Variants in BTG4 observed in about 807,000 individuals in gnomAD.
BTG4 encodes protein BTG4.
A neutral mutation model predicts 19.3 loss-of-function variants in BTG4; 10 were observed. The ratio of observed to expected loss-of-function variants is 0.52; its 90% confidence interval spans 0.32 to 0.88. The LOEUF (loss-of-function observed/expected upper bound fraction) is 0.88. Among genes scored for constraint, BTG4 ranks in the 40% least tolerant of loss-of-function variants. The pLI is 0.04. For synonymous variants in BTG4, 91 were observed against 95.7 expected (o/e 0.95, Z 0.29); for missense variants, 238 against 281.9 (o/e 0.84, Z 1.11).
At chr11:111,414,192 G>A in the BTG4 span, 21 of 152,366 alleles carry the variant, frequency 1.4e-4, no homozygotes, top group Admixed American at 1.0e-3. Context: ...CATGGGCCAG[G>A]ATGGTCTTGT....
chr11:111,427,139 A>G, the BTG4 span, among the ~76,000 whole-genome samples: 3 of 152,192 alleles, frequency 2.0e-5, no homozygotes, highest in African/African-American at 7.2e-5. Flanking sequence ...AATGCTGTTA[A>G]ATATACCCCA....
chr11:111,389,672 A>T, the BTG4 span, among the ~76,000 whole-genome samples: 1 of 152,346 alleles, frequency 6.6e-6, no homozygotes, highest in South Asian at 2.1e-4. Context: ...ACTTGAACCC[A>T]GTGTTGCTAT....
At chr11:111,425,020 C>T in the BTG4 span, among the ~76,000 whole-genome samples, 1 of 152,092 alleles carries the variant, frequency 6.6e-6, no homozygotes. Flanking sequence ...GGACAAACTG[C>T]CATGGCAGTT....
chr11:111,493,896 A>G (rs559714303), downstream of BTG4, among the ~76,000 whole-genome samples: 8 of 152,314 alleles, frequency 5.3e-5, no homozygotes, highest in South Asian at 1.7e-3. Flanking sequence ...CCCCTTCATC[A>G]GCACTAGCAT....
chr11:111,489,875 G>T (rs1343037342), downstream of BTG4, among the ~76,000 whole-genome samples: 2 of 152,094 alleles, frequency 1.3e-5, no homozygotes, highest in African/African-American at 2.4e-5. Context: ...TTGGGTGAGT[G>T]GGGATTGTTA....
the BTG4 span, among the ~76,000 whole-genome samples, chr11:111,413,200 A>T: frequency 6.6e-6 from 1 of 152,210 alleles, no homozygotes; most frequent in South Asian, 2.1e-4. Flanking sequence ...GAGGGTCAGC[A>T]CTCGAGTGAG....
At chr11:111,404,441 G>GA in the BTG4 span, among the ~76,000 whole-genome samples, 1 of 152,182 alleles carries the variant, frequency 6.6e-6, no homozygotes, top group Non-Finnish European at 1.5e-5. Flanking sequence ...TGCCTTACCT[G>GA]AAGCAACCTA....
the BTG4 span, among the ~76,000 whole-genome samples, chr11:111,451,858 T>A: frequency 3.3e-5 from 5 of 152,276 alleles, no homozygotes; most frequent in African/African-American, 1.2e-4. Context: ...GGTCCCACAA[T>A]GCTAACAGAT....
chr11:111,491,957 A>T (rs2135639722), downstream of BTG4, among the ~76,000 whole-genome samples: 1 of 152,032 alleles, frequency 6.6e-6, no homozygotes, highest in East Asian at 1.9e-4. Context: ...TCCCCTACAC[A>T]TTTGCTCAGA....
the BTG4 span, among the ~76,000 whole-genome samples, chr11:111,429,015 C>T: frequency 6.6e-6 from 1 of 152,204 alleles, no homozygotes; most frequent in Admixed American, 6.5e-5. Flanking sequence ...TTTGTCCCAT[C>T]CTCACAACTT....
the BTG4 span, among the ~76,000 whole-genome samples, chr11:111,441,366 T>C: frequency 6.6e-6 from 1 of 150,864 alleles, no homozygotes; most frequent in Non-Finnish European, 1.5e-5. Flanking sequence ...AACTAGAGCA[T>C]CAGCAGCGGC....
chr11:111,451,932 T>C, the BTG4 span, among the ~76,000 whole-genome samples: 1 of 152,050 alleles, frequency 6.6e-6, no homozygotes, highest in Non-Finnish European at 1.5e-5. Flanking sequence ...GAGGGGAAGG[T>C]TGAGAGGATG....
the BTG4 span, among the ~76,000 whole-genome samples, chr11:111,441,941 C>T: frequency 1.3e-5 from 2 of 151,682 alleles, no homozygotes; most frequent in East Asian, 3.9e-4. Context: ...TGCCTATAAT[C>T]CCAGCTACTC....
At chr11:111,466,545 T>C (rs1173981958), downstream of BTG4, among the ~76,000 whole-genome samples, 1 of 152,108 alleles carries the variant, frequency 6.6e-6, no homozygotes, top group Non-Finnish European at 1.5e-5. Flanking sequence ...ATTTTTTCCA[T>C]AAAGGTGGAC....
intron 5 of BTG4, among the ~76,000 whole-genome samples, chr11:111,476,302 G>A (rs1373072160): frequency 6.6e-6 from 1 of 152,122 alleles, no homozygotes; most frequent in Non-Finnish European, 1.5e-5. Flanking sequence ...TGTCCATCTG[G>A]TATTCAACAT....
At chr11:111,400,411 C>T in the BTG4 span, among the ~76,000 whole-genome samples, 1 of 152,214 alleles carries the variant, frequency 6.6e-6, no homozygotes, top group Non-Finnish European at 1.5e-5. Flanking sequence ...ATCCATCTCT[C>T]TCCTTCCCTC....
chr11:111,409,961 G>A, the BTG4 span, among the ~76,000 whole-genome samples: 9,120 of 152,278 alleles, frequency 0.06, 324 homozygotes, highest in Admixed American at 0.078. Context: ...ACCTAAAGAA[G>A]GTGAAGGACT....
At chr11:111,408,364 A>G in the BTG4 span, among the ~76,000 whole-genome samples, 1 of 152,156 alleles carries the variant, frequency 6.6e-6, no homozygotes, top group Non-Finnish European at 1.5e-5. Context: ...GATGCAGGGG[A>G]CCTCAAGAAA....
At chr11:111,485,114 GA>G (rs1189721356) in intron 5 of BTG4, among the ~76,000 whole-genome samples, 1 of 152,110 alleles carries the variant, frequency 6.6e-6, no homozygotes, top group Non-Finnish European at 1.5e-5. Context: ...GATTTATAAA[GA>G]AAATATTACT....
Sources: gnomAD v4.1 joint callset for allele counts (sites outside exome capture counted in the v4.1 genomes callset) on GRCh38, gnomAD v4.1.1 for gene constraint, MANE v1.5 for transcripts, NCBI Gene and HGNC (gene_info 2026-07-23, HGNC 2026-07-21) for gene names.